Variants in GRAMD1C observed in about 807,000 individuals in gnomAD.
GRAMD1C encodes protein Aster-C.
A neutral mutation model predicts 97.8 loss-of-function variants in GRAMD1C; 89 were observed. The observed-to-expected ratio is 0.91, with a 90% confidence interval of 0.77 to 1.09. The LOEUF (loss-of-function observed/expected upper bound fraction) is 1.09. GRAMD1C is among the 50% of genes least tolerant of loss of function. The pLI is 0.00. For synonymous variants in GRAMD1C, 256 were observed against 267.0 expected, an observed-to-expected ratio of 0.96 and a Z score of 0.40; for missense variants, 740 against 766.4, an observed-to-expected ratio of 0.97 and a Z score of 0.41.
chr3:113,906,844 G>A lies in GRAMD1C; in HGVS notation c.790-2114G>A, dbSNP rs551585701. Among the ~76,000 whole-genome samples, 7 of 152,194 alleles carry A rather than the reference G, an allele frequency of 4.6e-5. No individual in the cohort carries two copies. The South Asian group carries it at 1.0e-3, about 23-fold the overall frequency. On this transcript the variant is annotated intron_variant, in intron 8 of 17. Transcript: ENST00000358160. The stretch of plus-strand genomic sequence containing the variant: ...TACCATTTTCTAAATCTTTTGTACC[G>A]TGTTTTTACTGTACTTTTGCTATGT...
chr3:113,839,392 AT>A (rs1264486753), intron 1 of GRAMD1C, among the ~76,000 whole-genome samples: 1 of 152,172 alleles, frequency 6.6e-6, no homozygotes, highest in Admixed American at 6.5e-5. Flanking sequence ...TTACTACCTT[AT>A]TTGACAAAAC....
rs1180842339 is a variant in GRAMD1C at position 113,887,100 on chromosome 3, T to G, written c.540+4268T>G. Among the ~76,000 whole-genome samples, 7 of 139,990 alleles carry G rather than the reference T, an allele frequency of 5.0e-5. 1 individual carries two copies. Among genetic ancestry groups the G allele is most frequent in the East Asian group, 2.1e-4 (1 of 4,854 alleles). 91.8% of individuals were successfully genotyped at this position (139,990 alleles called of 152,430 possible). ...TGGCCTTTTTGTTTTTTTTTTGTTT[T>G]TTTTTTTTTTTGAGATAGAGTCTCA... On this transcript the variant is annotated intron_variant, in intron 6 of 17. Transcript: ENST00000358160.
intron 9 of GRAMD1C, among the ~76,000 whole-genome samples, chr3:113,913,832 G>A (rs576396137): frequency 5.9e-5 from 9 of 152,260 alleles, no homozygotes; most frequent in African/African-American, 1.7e-4. Context: ...TTATGAAGAC[G>A]GTTGAAGTCA....
At chr3:113,839,029 T>G in intron 1 of GRAMD1C, 93 bp downstream of exon 1, 1 of 764,104 alleles carries the variant, frequency 1.3e-6, no homozygotes, top group Non-Finnish European at 1.8e-6. Context: ...AGATTACAGT[T>G]AATCCCTCCC....
chr3:113,943,147 G>A (rs565178779), intron 17 of GRAMD1C, among the ~76,000 whole-genome samples: 1 of 152,050 alleles, frequency 6.6e-6, no homozygotes, highest in Admixed American at 6.5e-5. Flanking sequence ...TGTTCTTCCC[G>A]CATGGTTTCC....
chr3:113,829,274 A>C (rs1245411454), intron 1 of GRAMD1C, among the ~76,000 whole-genome samples: 1 of 152,102 alleles, frequency 6.6e-6, no homozygotes, highest in African/African-American at 2.4e-5. Flanking sequence ...AAACAAACAA[A>C]CAAACAAACA....
chr3:113,835,712 A>G (rs891556509), upstream of GRAMD1C, among the ~76,000 whole-genome samples: 2 of 152,208 alleles, frequency 1.3e-5, no homozygotes, highest in Non-Finnish European at 2.9e-5. Flanking sequence ...TAGTCAGCAT[A>G]GGGACATAGT....
At chr3:113,850,461 C>T in intron 2 of GRAMD1C, 6 of 1,427,028 alleles carry the variant, frequency 4.2e-6, no homozygotes, top group African/African-American at 1.4e-5. Flanking sequence ...CGTAGGGTGG[C>T]AGCACAGTCT....
intron 17 of GRAMD1C, among the ~76,000 whole-genome samples, chr3:113,941,919 A>G (rs1206159464): frequency 7.4e-6 from 1 of 135,798 alleles, no homozygotes; most frequent in African/African-American, 2.9e-5. Flanking sequence ...GTGCCCGGCC[A>G]TCTTTTTTTT....
chr3:113,915,220 T>C (rs1428976442), intron 9 of GRAMD1C, among the ~76,000 whole-genome samples: 2 of 152,230 alleles, frequency 1.3e-5, no homozygotes, highest in Non-Finnish European at 2.9e-5. Flanking sequence ...TTAAGTCAAG[T>C]TGAAACATTA....
At position 113,901,153 on chromosome 3, in the gene GRAMD1C, CA is replaced by C; in HGVS notation, c.656+11del. ...TTGAGGATGTGCAGCCAAGGTACAGCAAAATGTTTTGAAATGTCAAAATTTA... is the reference window on the plus strand; with the variant it reads ...TTGAGGATGTGCAGCCAAGGTACAGCAAATGTTTTGAAATGTCAAAATTTA... On this transcript the variant is annotated splice_region_variant and intron_variant, in intron 7 of 17. Transcript: ENST00000358160. 1 of 1,421,780 alleles carries C rather than the reference CA, an allele frequency of 7.0e-7. No individual in the cohort carries two copies. Among genetic ancestry groups the C allele is most frequent in the Non-Finnish European group, 9.9e-7 (1 of 1,007,488 alleles). 88.1% of individuals were successfully genotyped at this position (1,421,780 alleles called of 1,614,324 possible). A position where few individuals can be genotyped will look rare whatever the true frequency, so the allele number is the denominator to read the frequency against.
chr3:113,893,163 C>A (rs976683404), intron 6 of GRAMD1C, among the ~76,000 whole-genome samples: 1 of 152,052 alleles, frequency 6.6e-6, no homozygotes, highest in African/African-American at 2.4e-5. Context: ...CTATATGGCC[C>A]TTTACAGAAA....
intron 3 of GRAMD1C, 111 bp from the exon 4 acceptor site, chr3:113,875,373 A>T (rs1273835768): frequency 1.6e-6 from 1 of 628,238 alleles, no homozygotes; most frequent in East Asian, 2.6e-5. Context: ...GAATGAATGA[A>T]TGAACTAATG....
chr3:113,937,327 GTTCT>G (rs1937595539), intron 14 of GRAMD1C, among the ~76,000 whole-genome samples: 2 of 152,076 alleles, frequency 1.3e-5, no homozygotes, highest in East Asian at 1.9e-4. Context: ...AAGATTAATG[GTTCT>G]TTAATTTTGG....
chr3:113,934,045 G>A (rs1326875214), intron 12 of GRAMD1C, among the ~76,000 whole-genome samples: 1 of 152,186 alleles, frequency 6.6e-6, no homozygotes, highest in African/African-American at 2.4e-5. Flanking sequence ...ATTACAGAGA[G>A]AGATGGGCCA....
intron 9 of GRAMD1C, among the ~76,000 whole-genome samples, chr3:113,909,501 A>G (rs1936488358): frequency 6.6e-6 from 1 of 152,206 alleles, no homozygotes; most frequent in Non-Finnish European, 1.5e-5. Flanking sequence ...CAGGAGCTAA[A>G]TCTAAAGTCA....
At chr3:113,858,393 C>CT (rs200917151) in intron 2 of GRAMD1C, among the ~76,000 whole-genome samples, 6 of 76,608 alleles carry the variant, frequency 7.8e-5, no homozygotes, top group Non-Finnish European at 1.3e-4. Flanking sequence ...ATCCCAGCTA[C>CT]ATTTTTTTTT....
intron 1 of GRAMD1C, among the ~76,000 whole-genome samples, chr3:113,831,464 A>G (rs1041839263): frequency 1.3e-5 from 2 of 151,944 alleles, no homozygotes; most frequent in Non-Finnish European, 1.5e-5. Context: ...AGATCTTTAT[A>G]TATCAGTGCA....
chr3:113,890,807 A>G lies in GRAMD1C; in HGVS notation c.540+7975A>G, dbSNP rs1337847458. ...AAAAACAAATATCTCCAGGGAAGTG[A>G]TAAAGTTCAGGTTTACAGATGAGCC... On this transcript the variant is annotated intron_variant, in intron 6 of 17. Transcript: ENST00000358160. 1.2e-5 allele frequency: 8 copies of G among 689,778 alleles called. No homozygotes were observed. In the Middle Eastern group the frequency reaches 6.9e-4, roughly 59 times the overall value. The allele number at this position is 689,778 out of a possible 1,614,324, so 42.7% of individuals were successfully genotyped here. A position where few individuals can be genotyped will look rare whatever the true frequency, so the allele number is the denominator to read the frequency against.
Sources: allele counts gnomAD v4.1 joint callset (sites outside exome capture counted in the v4.1 genomes callset), GRCh38; gene constraint gnomAD v4.1.1; transcripts MANE v1.5; gene names NCBI Gene and HGNC (gene_info 2026-07-23, HGNC 2026-07-21).